ADAMTS19: variants seen among roughly 807,000 people sequenced by gnomAD.
ADAMTS19 encodes A disintegrin and metalloproteinase with thrombospondin motifs 19.
A neutral mutation model predicts 153.3 loss-of-function variants in ADAMTS19; 93 were observed. That is an observed-to-expected ratio of 0.61 (90% CI 0.51 to 0.72). ADAMTS19 has a LOEUF of 0.72. ADAMTS19 is among the 30% of genes least tolerant of loss of function. ADAMTS19 has a pLI of 0.00. For missense variants in ADAMTS19, 1,482 were observed against 1,552.1 expected, an observed-to-expected ratio of 0.95 and a Z score of 0.76; for synonymous variants, 600 against 556.6, an observed-to-expected ratio of 1.08 and a Z score of -1.10.
chr5:129,510,986 T>C (rs533130884), intron 3 of ADAMTS19, among the ~76,000 whole-genome samples: 1 of 151,806 alleles, frequency 6.6e-6, no homozygotes, highest in African/African-American at 2.4e-5. Context: ...CTTACCTATT[T>C]TCAGATGCTT....
intron 15 of ADAMTS19, among the ~76,000 whole-genome samples, chr5:129,665,017 C>T (rs1240949240): frequency 6.6e-6 from 1 of 152,156 alleles, no homozygotes; most frequent in African/African-American, 2.4e-5. Flanking sequence ...TAATATCCTC[C>T]AGAAAATGCT....
Position 129,485,554 on chromosome 5 carries a change from A to G in ADAMTS19, c.748-23523A>G, listed in dbSNP as rs111528388. On this transcript the variant is annotated intron_variant, in intron 2 of 22. Coordinates refer to ENST00000274487, the MANE Select transcript of ADAMTS19 (RefSeq NM_133638.6). ...TTCTGTAATGAACAATAAAACTGAT[A>G]AATTTCCAGCTAGACTGAACAAAGA... 6.6e-3 allele frequency among the ~76,000 whole-genome samples: 1,011 copies of G among 152,244 alleles called. 15 individuals carry two copies. The highest frequency in any genetic ancestry group is 0.054 in the South Asian group (263 of 4,832).
chr5:129,608,085 T>C (rs1750995822), intron 8 of ADAMTS19, among the ~76,000 whole-genome samples: 1 of 17,186 alleles, frequency 5.8e-5, no homozygotes, highest in South Asian at 4.3e-3. Flanking sequence ...TGGAATTTTA[T>C]ATATATGTGT....
At chr5:129,671,159 G>A (rs921589063) in intron 16 of ADAMTS19, among the ~76,000 whole-genome samples, 9 of 152,176 alleles carry the variant, frequency 5.9e-5, no homozygotes. Flanking sequence ...GTGCCTTGGA[G>A]CACACATTCT....
At chr5:129,473,113 A>G (rs1750120541) in intron 2 of ADAMTS19, among the ~76,000 whole-genome samples, 1 of 151,980 alleles carries the variant, frequency 6.6e-6, no homozygotes, top group Admixed American at 6.6e-5. Context: ...AATAAAAATA[A>G]AAAAGCAGGT....
Position 129,461,973 on chromosome 5 carries a change from C to T in ADAMTS19, c.747+216C>T, listed in dbSNP as rs1213396737. On this transcript the variant is annotated intron_variant, in intron 2 of 22. Coordinates refer to ENST00000274487, the MANE Select transcript of ADAMTS19 (RefSeq NM_133638.6). This position sits in a 1 kb window ranked among gnomAD's most constrained non-coding sequence, Gnocchi z 4.6. ...AAGTTTAATTGGGTGGATAAATGGC[C>T]TTCTCCTTCCAGATGGTTATGTGTC... is the stretch of plus-strand genomic sequence containing the variant. Among the ~76,000 whole-genome samples, 21 of 152,194 alleles carry T rather than the reference C, an allele frequency of 1.4e-4. No individual in the cohort carries two copies. The highest frequency in any genetic ancestry group is 1.4e-3 in the Admixed American group (21 of 15,278).
intron 8 of ADAMTS19, among the ~76,000 whole-genome samples, chr5:129,600,706 C>T (rs183379817): frequency 9.2e-5 from 14 of 152,078 alleles, no homozygotes; most frequent in African/African-American, 2.9e-4. Context: ...AAAAATGTAT[C>T]GACTTTCTCC....
chr5:129,649,770 G>T (rs1400883967), intron 13 of ADAMTS19, among the ~76,000 whole-genome samples: 1 of 152,146 alleles, frequency 6.6e-6, no homozygotes, highest in African/African-American at 2.4e-5. Context: ...TAACCATGGG[G>T]AGAAACTGAA....
chr5:129,556,702 T>A (rs1404090348), intron 7 of ADAMTS19, among the ~76,000 whole-genome samples: 2 of 152,078 alleles, frequency 1.3e-5, no homozygotes, highest in African/African-American at 2.4e-5. Context: ...GAGACATGAT[T>A]ACTAAAGAAA....
At chr5:129,658,482 AT>A in intron 14 of ADAMTS19, 134 bp from the exon 15 acceptor site, 1 of 884,822 alleles carries the variant, frequency 1.1e-6, no homozygotes. Flanking sequence ...AGAGAATGAC[AT>A]TTTATAATAT....
intron 2 of ADAMTS19, among the ~76,000 whole-genome samples, chr5:129,491,142 CG>C (rs953550313): frequency 1.3e-5 from 2 of 152,028 alleles, no homozygotes; most frequent in Non-Finnish European, 2.9e-5. Context: ...GCTGGGACTA[CG>C]GGTGCCCACC....
intron 13 of ADAMTS19, among the ~76,000 whole-genome samples, chr5:129,653,117 G>T (rs2127052790): frequency 6.6e-6 from 1 of 152,300 alleles, no homozygotes; most frequent in South Asian, 2.1e-4. Context: ...TCTTTGCAAA[G>T]TGATACCCTG....
intron 21 of ADAMTS19, 118 bp downstream of exon 21, chr5:129,704,509 G>A: frequency 8.6e-7 from 1 of 1,164,232 alleles, no homozygotes; most frequent in Non-Finnish European, 1.2e-6. Flanking sequence ...TAAACATCAT[G>A]GGATATGGGG....
chr5:129,461,723 C>G lies in ADAMTS19; in HGVS notation c.713C>G (p.Ser238Trp). Reference protein sequence around the residue: ...YTGAVLRHPGSLASFSTCGGG... With the variant: ...YTGAVLRHPGWLASFSTCGGG... ...GGAGCTGTGCTGCGGCACCCTGGCT[C>G]GCTGGCTTCTTTCAGCACCTGTGGA... The change falls in exon 2 of 23, where the codon TCG (serine) becomes TGG (tryptophan). Residue 238 changes from serine (S) to tryptophan (W), a missense_variant. Ser to Trp is a radical substitution (Grantham distance 177). Around this residue, in one of 2 missense-constraint regions of ADAMTS19, gnomAD observed 866 missense variants for 827.7 expected, o/e 1.05. Transcript: ENST00000274487. This position sits in a 1 kb window ranked among gnomAD's most constrained non-coding sequence, Gnocchi z 4.6. The G allele has an allele frequency of 6.6e-7, 1 of 1,508,878 alleles. No individual in the cohort carries two copies. The highest frequency in any genetic ancestry group is 8.8e-7 in the Non-Finnish European group (1 of 1,133,524). 93.5% of individuals were successfully genotyped at this position (1,508,878 alleles called of 1,614,324 possible).
intron 14 of ADAMTS19, 135 bp from the exon 15 acceptor site, chr5:129,658,482 A>G (rs1416691248): frequency 1.1e-6 from 1 of 884,704 alleles, no homozygotes; most frequent in African/African-American, 1.7e-5. Context: ...AGAGAATGAC[A>G]TTTTATAATA....
Position 129,694,737 on chromosome 5 carries a change from G to A in ADAMTS19, c.2836G>A (p.Val946Met), listed in dbSNP as rs768146819. 26 of 1,599,120 alleles carry A rather than the reference G, an allele frequency of 1.6e-5. No individual in the cohort carries two copies. Among genetic ancestry groups the A allele is most frequent in the Admixed American group, 3.4e-5 (2 of 58,142 alleles). Residue 946 changes from valine (V) to methionine (M), a missense_variant, in exon 19 of 23, where the codon GTG becomes ATG. By Grantham distance (21) the Val-to-Met change is conservative (BLOSUM62 1). Around this residue, in one of 2 missense-constraint regions of ADAMTS19, gnomAD observed 616 missense variants for 724.4 expected, o/e 0.85. Coordinates refer to ENST00000274487, the MANE Select transcript of ADAMTS19 (RefSeq NM_133638.6). ...CTTTTCAGGAGAAAGGAAGACAACA[G>A]TGTCCTGCACAAAAATCATGAGCAA... Reference protein sequence around the residue: ...TCGGGERKTTVSCTKIMSKNI... With the variant: ...TCGGGERKTTMSCTKIMSKNI...
At chr5:129,534,152 T>G (rs560833387) in intron 6 of ADAMTS19, among the ~76,000 whole-genome samples, 1 of 152,250 alleles carries the variant, frequency 6.6e-6, no homozygotes, top group South Asian at 2.1e-4. Context: ...GATATCCTTG[T>G]TAACTACCTG....
intron 6 of ADAMTS19, among the ~76,000 whole-genome samples, chr5:129,551,125 A>T (rs1753076442): frequency 6.6e-6 from 1 of 151,684 alleles, no homozygotes; most frequent in Admixed American, 6.6e-5. Flanking sequence ...GTGACAGAGG[A>T]ACAAGGTTAA....
chr5:129,646,078 C>T (rs554974078), intron 11 of ADAMTS19, among the ~76,000 whole-genome samples: 4 of 149,136 alleles, frequency 2.7e-5, no homozygotes, highest in Middle Eastern at 3.2e-3. Context: ...TTAGTAGAGA[C>T]GGGGTTTCAC....
Sources: gnomAD v4.1 joint callset for allele counts (sites outside exome capture counted in the v4.1 genomes callset) on GRCh38, gnomAD v4.1.1 for gene constraint, gnomAD v4.1.1 regional missense constraint, Gnocchi (gnomAD v3.1) non-coding constraint, MANE v1.5 for transcripts, NCBI Gene and HGNC (gene_info 2026-07-23, HGNC 2026-07-21) for gene names.